The following CFAP96 variants were observed in gnomAD, a reference collection of about 807,000 sequenced individuals.
The protein encoded by CFAP96 is cilia-and flagella-associated protein 96.
chr4:185,445,417 T>A, the CFAP96 span: 1 of 955,516 alleles, frequency 1.0e-6, no homozygotes, highest in Non-Finnish European at 1.6e-6. Context: ...TCATTTGAGA[T>A]GAGTTAGATA....
the CFAP96 span, chr4:185,418,495 T>C: frequency 4.6e-4 from 745 of 1,612,274 alleles, 4 homozygotes; most frequent in African/African-American, 8.5e-3. Flanking sequence ...TTATATCTTC[T>C]TCTGGCTCAA....
chr4:185,447,331 G>A, the CFAP96 span, among the ~76,000 whole-genome samples: 921 of 151,782 alleles, frequency 6.1e-3, 9 homozygotes, highest in African/African-American at 0.021. Context: ...ACAGGCGCCC[G>A]CCACCACGCC....
the CFAP96 span, among the ~76,000 whole-genome samples, chr4:185,436,602 C>T: frequency 5.3e-5 from 8 of 151,834 alleles, no homozygotes; most frequent in African/African-American, 1.9e-4. Flanking sequence ...CCCAGCTACT[C>T]AGGAGGCTGA....
chr4:185,418,892 T>G, the CFAP96 span: 1 of 753,692 alleles, frequency 1.3e-6, no homozygotes, highest in Non-Finnish European at 1.9e-6. Flanking sequence ...TATTCAATAA[T>G]AATTTCAAAA....
chr4:185,441,657 C>A, the CFAP96 span, among the ~76,000 whole-genome samples: 1 of 150,862 alleles, frequency 6.6e-6, no homozygotes, highest in African/African-American at 2.4e-5. Flanking sequence ...AATTTAATTT[C>A]TTTTAATTAA....
the CFAP96 span, among the ~76,000 whole-genome samples, chr4:185,424,759 T>C: frequency 6.4e-4 from 98 of 152,354 alleles, no homozygotes; most frequent in African/African-American, 2.1e-3. Flanking sequence ...AAATTTTAAC[T>C]CTGCTACTTA....
the CFAP96 span, chr4:185,445,311 A>G: frequency 8.5e-6 from 6 of 707,496 alleles, no homozygotes; most frequent in Non-Finnish European, 1.4e-5. Flanking sequence ...GTTCTCCCCC[A>G]TCTTCTGAAA....
the CFAP96 span, chr4:185,444,921 C>A: frequency 6.6e-7 from 1 of 1,514,512 alleles, no homozygotes; most frequent in Admixed American, 2.0e-5. Flanking sequence ...TTTGTAGAGG[C>A]ATTTTACAAA....
At chr4:185,426,041 G>A in the CFAP96 span, 1 of 697,556 alleles carries the variant, frequency 1.4e-6, no homozygotes, top group South Asian at 1.9e-5. Flanking sequence ...AGTCCCTCGC[G>A]GACGGCGAGG....
the CFAP96 span, among the ~76,000 whole-genome samples, chr4:185,446,961 T>C: frequency 6.6e-6 from 1 of 152,100 alleles, no homozygotes; most frequent in Admixed American, 6.5e-5. Flanking sequence ...ATGAAATACA[T>C]GTACTTTCTT....
the CFAP96 span, chr4:185,418,639 G>A: frequency 6.2e-7 from 1 of 1,613,864 alleles, no homozygotes; most frequent in South Asian, 1.1e-5. Flanking sequence ...AGTTCTCCAG[G>A]AATGGTGTTT....
At chr4:185,435,562 A>G in the CFAP96 span, among the ~76,000 whole-genome samples, 1 of 152,218 alleles carries the variant, frequency 6.6e-6, no homozygotes, top group Non-Finnish European at 1.5e-5. Flanking sequence ...GGAAGAAAAG[A>G]AAATATTTGG....
chr4:185,438,939 T>C, the CFAP96 span, among the ~76,000 whole-genome samples: 4 of 152,234 alleles, frequency 2.6e-5, no homozygotes, highest in Non-Finnish European at 5.9e-5. Flanking sequence ...TCACATTCTT[T>C]CAGGTGGTTC....
the CFAP96 span, among the ~76,000 whole-genome samples, chr4:185,437,672 A>G: frequency 6.6e-6 from 1 of 152,198 alleles, no homozygotes; most frequent in Non-Finnish European, 1.5e-5. Flanking sequence ...ATAATATTGC[A>G]TACATACTAC....
chr4:185,413,257 A>T, the CFAP96 span, among the ~76,000 whole-genome samples: 1 of 152,136 alleles, frequency 6.6e-6, no homozygotes, highest in Non-Finnish European at 1.5e-5. Context: ...GTGTGGTGGC[A>T]GGTGCCTGTA....
At chr4:185,439,037 A>G in the CFAP96 span, among the ~76,000 whole-genome samples, 1 of 152,240 alleles carries the variant, frequency 6.6e-6, no homozygotes, top group Non-Finnish European at 1.5e-5. Flanking sequence ...AGACAAATAG[A>G]GTATTCTTCT....
the CFAP96 span, among the ~76,000 whole-genome samples, chr4:185,442,317 A>G: frequency 6.6e-6 from 1 of 152,100 alleles, no homozygotes; most frequent in Admixed American, 6.5e-5. Flanking sequence ...CTTCAGATCT[A>G]GGAATAAGCT....
At chr4:185,426,878 CCAAAAAAAAAAAAA>C in the CFAP96 span, among the ~76,000 whole-genome samples, 1 of 29,568 alleles carries the variant, frequency 3.4e-5, no homozygotes, top group African/African-American at 1.4e-4. Flanking sequence ...ACTAAAAATA[CCAAAAAAAAAAAAA>C]AAAAAAAAAA....
chr4:185,432,279 G>A, the CFAP96 span: 5 of 1,099,740 alleles, frequency 4.5e-6, no homozygotes, highest in Non-Finnish European at 6.5e-6. Context: ...TTTTCTGTAG[G>A]ACTTACTTAT....
Sources: gnomAD v4.1 joint callset for allele counts (sites outside exome capture counted in the v4.1 genomes callset) on GRCh38, gnomAD v4.1.1 for gene constraint, MANE v1.5 for transcripts, NCBI Gene and HGNC (gene_info 2026-07-23, HGNC 2026-07-21) for gene names.